Variants in COL5A1 observed in about 807,000 individuals in gnomAD.
COL5A1 encodes the protein collagen type V alpha 1 chain, also known as collagen alpha-1(V) chain.
A neutral mutation model predicts 263.7 loss-of-function variants in COL5A1; 16 were observed. The observed-to-expected ratio is 0.06, with a 90% CI of 0.04 to 0.09. The LOEUF (loss-of-function observed/expected upper bound fraction) is 0.09. Ranked by LOEUF, COL5A1 falls within the 10% of genes least tolerant of loss-of-function variation. The probability of loss-of-function intolerance (pLI) is 1.00; values close to 1 mark genes in which losing one functional copy is unlikely to be tolerated. For missense variants in COL5A1, 2,036 were observed against 2,540.5 expected (o/e 0.80, Z 4.27); for synonymous variants, 1,012 against 1,004.5 (o/e 1.01, Z -0.14).
Position 134,842,269 on chromosome 9 carries a change from G to T in COL5A1, c.5483G>T (p.Gly1828Val), listed in dbSNP as rs1830129345. ...TTCGGTGAAGCGTCACAGAAATTTG[G>T]ATTTGAAGTGGGGCCGGCTTGCTTC... Reference protein sequence around the residue: ...NDFGEASQKFGFEVGPACFMG With the variant: ...NDFGEASQKFVFEVGPACFMG Residue 1828 changes from glycine (G) to valine (V), a missense_variant, in exon 66 of 66, where the codon GGA (glycine) becomes GTA (valine). Physicochemically the swap from Gly to Val is moderately radical, Grantham distance 109 (BLOSUM62 -3). Transcript: ENST00000371817. The surrounding 1 kb of genome is among the most constrained non-coding windows in gnomAD (Gnocchi z 5.8). 6.2e-7 allele frequency: 1 copy of T among 1,614,080 alleles called. No individual in the cohort carries two copies. The highest frequency in any genetic ancestry group is 1.1e-5 in the South Asian group (1 of 91,092).
Position 134,818,886 on chromosome 9 carries a change from TC to T in COL5A1, c.4383del (p.Gly1462AlafsTer26). On this transcript the variant is annotated frameshift_variant, in exon 56 of 66. Transcript: ENST00000371817. LOFTEE classifies it high-confidence loss of function. The surrounding 1 kb of genome is among the most constrained non-coding windows in gnomAD (Gnocchi z 6.0). ...GLPGSPGPDG[P>X]PGPMGPPGLP... ...TCCCAGGATCCCCAGGCCCGGACGG[TC>T]CCCCCGGCCCCATGGTGAGTCACAT... 3.1e-6 allele frequency: 5 copies of T among 1,612,434 alleles called. No homozygotes were observed. Among genetic ancestry groups the T allele is most frequent in the Non-Finnish European group, 4.2e-6 (5 of 1,179,500 alleles).
At chr9:134,654,678 G>GTGTAGGGCTGGAGGTT in intron 1 of COL5A1, among the ~76,000 whole-genome samples, 1 of 127,940 alleles carries the variant, frequency 7.8e-6, no homozygotes, top group Non-Finnish European at 1.7e-5. Flanking sequence ...GGCTGTAGGT[G>GTGTAGGGCTGGAGGTT]TGTAGAGCTG....
intron 58 of COL5A1, among the ~76,000 whole-genome samples, chr9:134,820,881 G>A (rs186359435): frequency 3.3e-5 from 5 of 152,202 alleles, no homozygotes; most frequent in East Asian, 1.9e-4. Flanking sequence ...TTTCCGTCCC[G>A]AGCAAGGTGT....
chr9:134,829,642 G>A (rs969271682), intron 63 of COL5A1, among the ~76,000 whole-genome samples: 1 of 150,724 alleles, frequency 6.6e-6, no homozygotes, highest in Non-Finnish European at 1.5e-5. Context: ...TCTCCCCGAG[G>A]GCCCCGGCCA....
At chr9:134,831,769 G>A (rs1429305441) in intron 64 of COL5A1, among the ~76,000 whole-genome samples, 1 of 152,220 alleles carries the variant, frequency 6.6e-6, no homozygotes, top group Non-Finnish European at 1.5e-5. Flanking sequence ...GGAGGAAATG[G>A]CTGTGAAACC....
chr9:134,805,935 G>A (rs936619255), intron 41 of COL5A1, among the ~76,000 whole-genome samples: 2 of 152,128 alleles, frequency 1.3e-5, no homozygotes, highest in African/African-American at 4.8e-5. Context: ...AGAAGAGGGA[G>A]CCCATTGAAG....
chr9:134,819,939 C>T (rs749976038), intron 57 of COL5A1, among the ~76,000 whole-genome samples, 177 bp from the exon 58 acceptor site: 37 of 152,318 alleles, frequency 2.4e-4, no homozygotes, highest in Middle Eastern at 3.4e-3. Flanking sequence ...AGGGCCACCT[C>T]GGACCTGCCG....
chr9:134,737,988 G>T (rs1397080816), intron 9 of COL5A1, among the ~76,000 whole-genome samples: 1 of 152,148 alleles, frequency 6.6e-6, no homozygotes. Flanking sequence ...GCAGCCCTGG[G>T]GCCTGACGGT....
At chr9:134,776,624 C>T (rs1837062091) in intron 27 of COL5A1, among the ~76,000 whole-genome samples, 1 of 152,226 alleles carries the variant, frequency 6.6e-6, no homozygotes, top group East Asian at 1.9e-4. Context: ...GGCCGAGCTG[C>T]CGCCATTTGA....
rs1450343480 is a variant in COL5A1 at position 134,754,850 on chromosome 9, AGGCTGGGGCAGGCCCTG to A, written c.1827+527_1827+543del. 6.6e-6 allele frequency among the ~76,000 whole-genome samples: 1 copy of A among 152,290 alleles called. No homozygotes were observed. Among genetic ancestry groups the A allele is most frequent in the Non-Finnish European group, 1.5e-5 (1 of 68,026 alleles). Reference sequence around the variant, plus strand: ...CCCGAGTGCTGACCACCACCCAGACAGGCTGGGGCAGGCCCTGGGAGCCCAGATTGTGCTCTCAAAAG... The same window carrying A: ...CCCGAGTGCTGACCACCACCCAGACAGGAGCCCAGATTGTGCTCTCAAAAG... On this transcript the variant is annotated intron_variant, in intron 16 of 65. Coordinates refer to ENST00000371817, the MANE Select transcript of COL5A1 (RefSeq NM_000093.5). The surrounding 1 kb of genome is among the most constrained non-coding windows in gnomAD (Gnocchi z 4.3).
chr9:134,707,698 A>T (rs1214398648), intron 4 of COL5A1, among the ~76,000 whole-genome samples: 1 of 152,138 alleles, frequency 6.6e-6, no homozygotes, highest in Non-Finnish European at 1.5e-5. Context: ...GGGCCTTTGG[A>T]GCCTCTGGAT....
Position 134,821,159 on chromosome 9 carries a change from A to T in COL5A1, c.4554+936A>T, listed in dbSNP as rs1251568263. ...CAGGGTCGTCGGAGGAGTGCCGCCC[A>T]GGGTGTGGTGGCCCGGCAACCACGA... On this transcript the variant is annotated intron_variant, in intron 58 of 65. Transcript: ENST00000371817. This position sits in a 1 kb window ranked among gnomAD's most constrained non-coding sequence, Gnocchi z 4.2. Among the ~76,000 whole-genome samples the T allele has an allele frequency of 6.6e-6, 1 of 151,958 alleles. No homozygotes were observed. Among genetic ancestry groups the T allele is most frequent in the African/African-American group, 2.4e-5 (1 of 41,378 alleles).
At chr9:134,762,098 G>C in intron 19 of COL5A1, 120 bp downstream of exon 19, 1 of 988,826 alleles carries the variant, frequency 1.0e-6, no homozygotes, top group East Asian at 2.5e-5. Flanking sequence ...TGGAGGGCCA[G>C]CTGGGAGAAG....
At chr9:134,676,497 T>C (rs1470279925) in intron 1 of COL5A1, among the ~76,000 whole-genome samples, 1 of 152,210 alleles carries the variant, frequency 6.6e-6, no homozygotes, top group Non-Finnish European at 1.5e-5. Context: ...GCCTTGGATG[T>C]CCTGGCACAG....
At chr9:134,778,022 C>T (rs1837113624) in intron 27 of COL5A1, among the ~76,000 whole-genome samples, 1 of 152,126 alleles carries the variant, frequency 6.6e-6, no homozygotes, top group Non-Finnish European at 1.5e-5. Flanking sequence ...CAAAACTGCC[C>T]TAAGAAAAGA....
At chr9:134,666,266 G>A in intron 1 of COL5A1, among the ~76,000 whole-genome samples, 1 of 152,142 alleles carries the variant, frequency 6.6e-6, no homozygotes, top group Non-Finnish European at 1.5e-5. Flanking sequence ...TTTACAGGTG[G>A]GGAACCTGAG....
chr9:134,837,646 C>T (rs1839892713), intron 65 of COL5A1, among the ~76,000 whole-genome samples: 1 of 151,690 alleles, frequency 6.6e-6, no homozygotes, highest in South Asian at 2.1e-4. Flanking sequence ...TTAAATTCCA[C>T]AAGCAGAGAG....
intron 9 of COL5A1, chr9:134,732,581 T>A (rs1206432165): frequency 3.9e-6 from 1 of 254,532 alleles, no homozygotes; most frequent in East Asian, 8.8e-5. Flanking sequence ...TGCAACCGTT[T>A]GGAGTAAGTT....
chr9:134,693,897 G>A (rs1454319943), intron 2 of COL5A1, among the ~76,000 whole-genome samples: 2 of 152,162 alleles, frequency 1.3e-5, no homozygotes, highest in Non-Finnish European at 2.9e-5. Context: ...ACTCGTGTGG[G>A]TCAGCCTAAG....
Sources: allele counts gnomAD v4.1 joint callset (sites outside exome capture counted in the v4.1 genomes callset), GRCh38; gene constraint gnomAD v4.1.1; non-coding constraint Gnocchi (gnomAD v3.1); transcripts MANE v1.5; gene names NCBI Gene and HGNC (gene_info 2026-07-23, HGNC 2026-07-21).